Variants in CNTNAP2 observed in about 807,000 individuals in gnomAD.
CNTNAP2 encodes contactin-associated protein-like 2.
CNTNAP2 carries 98 observed loss-of-function variants against 155.2 expected under a neutral mutation model. The ratio of observed to expected loss-of-function variants is 0.63; its 90% CI spans 0.54 to 0.75. The LOEUF (loss-of-function observed/expected upper bound fraction) is 0.75, where lower values mean the gene tolerates loss of function less well. Among genes scored for constraint, CNTNAP2 ranks in the 30% least tolerant of loss-of-function variants. CNTNAP2 has a pLI of 0.00. For synonymous variants in CNTNAP2, 651 were observed against 631.2 expected, an observed-to-expected ratio of 1.03 and a Z score of -0.47; for missense variants, 1,727 against 1,688.1, an observed-to-expected ratio of 1.02 and a Z score of -0.40.
intron 5 of CNTNAP2, among the ~76,000 whole-genome samples, chr7:147,119,691 G>C (rs1801062486): frequency 6.6e-6 from 1 of 151,822 alleles, no homozygotes; most frequent in Non-Finnish European, 1.5e-5. Flanking sequence ...AAGGTATGGG[G>C]GCATTAGCAT....
intron 4 of CNTNAP2, among the ~76,000 whole-genome samples, chr7:147,090,353 T>G (rs10258525): frequency 0.57 from 75,956 of 133,470 alleles, 21,918 homozygotes; most frequent in East Asian, 0.67. Context: ...GTGTGTGTGT[T>G]ACAATTCTCT....
At chr7:146,411,260 G>T (rs546117779) in intron 1 of CNTNAP2, among the ~76,000 whole-genome samples, 1 of 150,890 alleles carries the variant, frequency 6.6e-6, no homozygotes, top group Non-Finnish European at 1.5e-5. Context: ...GGGTTCAAGC[G>T]ATTCTCCTGC....
chr7:146,824,636 C>T (rs950829211), intron 2 of CNTNAP2, among the ~76,000 whole-genome samples: 1 of 152,082 alleles, frequency 6.6e-6, no homozygotes, highest in Non-Finnish European at 1.5e-5. Context: ...CTCTAATGAC[C>T]AGCGATCATG....
At chr7:146,822,325 G>A (rs932801625) in intron 2 of CNTNAP2, among the ~76,000 whole-genome samples, 27 of 151,994 alleles carry the variant, frequency 1.8e-4, no homozygotes, top group African/African-American at 2.2e-4. Flanking sequence ...CTGTTGTGGC[G>A]TGGGGGCAGG....
At chr7:147,311,367 G>T (rs1563155657) in intron 9 of CNTNAP2, among the ~76,000 whole-genome samples, 1 of 152,160 alleles carries the variant, frequency 6.6e-6, no homozygotes, top group Non-Finnish European at 1.5e-5. Flanking sequence ...GGATGAGTGA[G>T]TGGGTAGGGC....
intron 1 of CNTNAP2, among the ~76,000 whole-genome samples, chr7:146,451,852 ATTC>A (rs1563089188): frequency 0.025 from 1,490 of 58,754 alleles, 29 homozygotes; most frequent in Middle Eastern, 0.051. Context: ...ATATACACGT[ATTC>A]TATATATATA....
intron 18 of CNTNAP2, among the ~76,000 whole-genome samples, chr7:148,215,768 A>G (rs1795628718): frequency 6.6e-6 from 1 of 152,138 alleles, no homozygotes; most frequent in African/African-American, 2.4e-5. Flanking sequence ...TGAGGCTGAG[A>G]AAGTTTCAAG....
chr7:147,332,462 C>T (rs1795588585), intron 9 of CNTNAP2, among the ~76,000 whole-genome samples: 1 of 152,012 alleles, frequency 6.6e-6, no homozygotes, highest in South Asian at 2.1e-4. Flanking sequence ...CAGAAAATGC[C>T]TGATTAACAC....
chr7:147,002,356 C>T (rs556574768), intron 3 of CNTNAP2, among the ~76,000 whole-genome samples: 13 of 152,012 alleles, frequency 8.6e-5, no homozygotes, highest in East Asian at 7.8e-4. Flanking sequence ...TACAAAGGAT[C>T]GAAACTCAAA....
chr7:147,268,025 A>G (rs552196406), intron 8 of CNTNAP2, among the ~76,000 whole-genome samples: 4 of 152,152 alleles, frequency 2.6e-5, no homozygotes, highest in Non-Finnish European at 5.9e-5. Flanking sequence ...TTTCCCTGAA[A>G]TCTGGCACCC....
intron 1 of CNTNAP2, among the ~76,000 whole-genome samples, chr7:146,347,854 C>T (rs571791491): frequency 7.0e-4 from 106 of 152,250 alleles, no homozygotes; most frequent in African/African-American, 1.8e-3. Flanking sequence ...GTGTGAGCCA[C>T]GCATTTTCTT....
intron 14 of CNTNAP2, among the ~76,000 whole-genome samples, chr7:147,947,597 C>G (rs909871044): frequency 1.3e-5 from 2 of 151,966 alleles, no homozygotes; most frequent in African/African-American, 2.4e-5. Flanking sequence ...CTCAACTGCA[C>G]TCCAGCCTGG....
chr7:146,596,507 AC>A (rs1798860199), intron 1 of CNTNAP2, among the ~76,000 whole-genome samples: 1 of 151,786 alleles, frequency 6.6e-6, no homozygotes, highest in South Asian at 2.1e-4. Flanking sequence ...AAATGTGCCT[AC>A]ATTATTACCC....
At chr7:146,699,875 C>T (rs1425030846) in intron 1 of CNTNAP2, among the ~76,000 whole-genome samples, 9 of 151,970 alleles carry the variant, frequency 5.9e-5, no homozygotes, top group South Asian at 2.1e-4. Context: ...GGCTGAGGCA[C>T]AAGAATCTCT....
intron 18 of CNTNAP2, among the ~76,000 whole-genome samples, chr7:148,206,191 AAT>A (rs1795446518): frequency 6.7e-6 from 1 of 148,376 alleles, no homozygotes; most frequent in African/African-American, 2.4e-5. Flanking sequence ...ATGGTTCAGG[AAT>A]TACATATAAT....
chr7:146,997,732 A>G (rs1048428176), intron 3 of CNTNAP2, among the ~76,000 whole-genome samples: 3 of 152,026 alleles, frequency 2.0e-5, no homozygotes, highest in African/African-American at 7.2e-5. Flanking sequence ...TCCTTATTCA[A>G]TATTGGTCTG....
chr7:147,313,500 C>A lies in CNTNAP2; in HGVS notation c.1498+13210C>A, dbSNP rs563996681. Among the ~76,000 whole-genome samples the A allele has an allele frequency of 3.3e-4, 50 of 150,102 alleles. 1 individual carries two copies. The East Asian group carries it at 9.9e-3, about 30-fold the overall frequency. Reference sequence around the variant, plus strand: ...ACATATGGCTAGCCAGTTTTCCCAGCACCATTTATTAAATAGGGAATCCTT... The same window carrying A: ...ACATATGGCTAGCCAGTTTTCCCAGAACCATTTATTAAATAGGGAATCCTT... On this transcript the variant is annotated intron_variant, in intron 9 of 23. Transcript: ENST00000361727.
chr7:146,726,441 C>T lies in CNTNAP2; in HGVS notation c.98-47830C>T, dbSNP rs73740826. ...ATTTTGGGGCCTTCATCTCTGCATT[C>T]CAAATTACTTCATTATTTTTAAAGT... On this transcript the variant is annotated intron_variant, in intron 1 of 23. Transcript: ENST00000361727. Among the ~76,000 whole-genome samples the T allele has an allele frequency of 9.8e-3, 1,491 of 152,044 alleles. 31 individuals are homozygous for T. Among genetic ancestry groups the T allele is most frequent in the African/African-American group, 0.034 (1,418 of 41,478 alleles).
intron 9 of CNTNAP2, among the ~76,000 whole-genome samples, chr7:147,388,415 C>T (rs1455058417): frequency 6.6e-6 from 1 of 152,146 alleles, no homozygotes; most frequent in Non-Finnish European, 1.5e-5. Flanking sequence ...GAGAGTGACC[C>T]TGTACGTAGG....
Sources: gnomAD v4.1 joint callset for allele counts (sites outside exome capture counted in the v4.1 genomes callset) on GRCh38, gnomAD v4.1.1 for gene constraint, MANE v1.5 for transcripts, NCBI Gene and HGNC (gene_info 2026-07-23, HGNC 2026-07-21) for gene names.